The following CNTN4 variants were observed in gnomAD, a reference collection of about 807,000 sequenced individuals.
CNTN4 encodes contactin-4.
Under a neutral mutation model 122.5 loss-of-function variants are expected in CNTN4, and 77 were observed. The ratio of observed to expected loss-of-function variants is 0.63; its 90% confidence interval spans 0.52 to 0.76. The LOEUF (loss-of-function observed/expected upper bound fraction) is 0.76, where lower values mean the gene tolerates loss of function less well. Ranked by LOEUF, CNTN4 falls within the 30% of genes least tolerant of loss-of-function variation. The pLI is 0.00. For synonymous variants in CNTN4, 512 were observed against 447.0 expected (o/e 1.15, Z -1.83); for missense variants, 1,256 against 1,259.1 (o/e 1.00, Z 0.04).
At chr3:3,011,194 G>A (rs1488556440) in intron 14 of CNTN4, among the ~76,000 whole-genome samples, 1 of 152,146 alleles carries the variant, frequency 6.6e-6, no homozygotes, top group Non-Finnish European at 1.5e-5. Context: ...GTTCTTTAAA[G>A]CCAGATACTT....
chr3:2,744,596 T>G (rs2089654001), intron 5 of CNTN4, among the ~76,000 whole-genome samples: 1 of 152,224 alleles, frequency 6.6e-6, no homozygotes. Flanking sequence ...GTAAGAGTTG[T>G]GGGGGTAAAC....
At chr3:2,968,993 A>T (rs1692607130) in intron 13 of CNTN4, among the ~76,000 whole-genome samples, 1 of 152,222 alleles carries the variant, frequency 6.6e-6, no homozygotes, top group Non-Finnish European at 1.5e-5. Flanking sequence ...TTTACATTCC[A>T]TAAAATTCAC....
intron 24 of CNTN4, among the ~76,000 whole-genome samples, chr3:3,055,667 A>T (rs1160218584): frequency 6.6e-6 from 1 of 152,174 alleles, no homozygotes; most frequent in Non-Finnish European, 1.5e-5. Flanking sequence ...AAGTTACTTT[A>T]TTTCTCTGGG....
intron 8 of CNTN4, among the ~76,000 whole-genome samples, chr3:2,868,843 G>C (rs1215270427): frequency 6.6e-6 from 1 of 152,044 alleles, no homozygotes; most frequent in East Asian, 1.9e-4. Flanking sequence ...GCTCTGTGGT[G>C]GGTTTGGGGG....
intron 4 of CNTN4, among the ~76,000 whole-genome samples, chr3:2,721,575 A>G (rs2675282): frequency 1 from 151,933 of 152,288 alleles, 75,792 homozygotes; most frequent in Middle Eastern, 1. Flanking sequence ...CTGTGTGCAT[A>G]TGTGAGTGTG....
At chr3:2,720,197 A>G (rs1170905111) in intron 4 of CNTN4, among the ~76,000 whole-genome samples, 1 of 152,122 alleles carries the variant, frequency 6.6e-6, no homozygotes, top group African/African-American at 2.4e-5. Context: ...GATATTTCCT[A>G]TTTTTTGCTA....
rs1031300559 is a variant in CNTN4 at position 2,667,287 on chromosome 3, C to G, written c.56-68928C>G. Among the ~76,000 whole-genome samples the G allele has an allele frequency of 9.6e-4, 146 of 152,266 alleles. 2 individuals carry two copies. Among genetic ancestry groups the G allele is most frequent in the Admixed American group, 7.2e-4 (11 of 15,292 alleles). ...GACTTTTTAATGATTGCCATTCTAACTGGTGTGAGATGGTATCTCATTGTG... is the reference window on the plus strand; with the variant it reads ...GACTTTTTAATGATTGCCATTCTAAGTGGTGTGAGATGGTATCTCATTGTG... On this transcript the variant is annotated intron_variant, in intron 4 of 24. Transcript: ENST00000418658.
chr3:2,383,500 A>G (rs373384074), intron 3 of CNTN4, among the ~76,000 whole-genome samples: 23 of 152,100 alleles, frequency 1.5e-4, no homozygotes, highest in African/African-American at 5.3e-4. Context: ...GCCTGGAGGG[A>G]TTAGGTAAAT....
At position 2,841,350 on chromosome 3, in the gene CNTN4, T is replaced by C. The variant is rs2093358574; in HGVS notation, c.454+21769T>C. Among the ~76,000 whole-genome samples the C allele has an allele frequency of 6.6e-6, 1 of 152,210 alleles. No homozygotes were observed. The highest frequency in any genetic ancestry group is 1.5e-5 in the Non-Finnish European group (1 of 68,036). On this transcript the variant is annotated intron_variant, in intron 7 of 24. Transcript: ENST00000418658. This position sits in a 1 kb window ranked among gnomAD's most constrained non-coding sequence, Gnocchi z 4.8. ...CTCATACTGTGACATTATTATATCC[T>C]ACAATCACTCATATATCTTTATTTT...
chr3:3,038,382 T>C (rs1247126017), intron 18 of CNTN4, among the ~76,000 whole-genome samples: 1 of 152,026 alleles, frequency 6.6e-6, no homozygotes, highest in Non-Finnish European at 1.5e-5. Context: ...AACACTCAGA[T>C]CAAAACTCTT....
intron 3 of CNTN4, among the ~76,000 whole-genome samples, chr3:2,376,206 A>T (rs2045809870): frequency 6.6e-6 from 1 of 152,216 alleles, no homozygotes. Context: ...TCCATGTATC[A>T]GGCAGAAAAT....
intron 3 of CNTN4, among the ~76,000 whole-genome samples, chr3:2,403,059 A>G (rs182522487): frequency 6.6e-5 from 10 of 152,188 alleles, no homozygotes; most frequent in Admixed American, 2.6e-4. Context: ...AATCTGTCCC[A>G]TGCCTTTCTT....
chr3:2,333,559 C>A (rs1220561553), intron 2 of CNTN4, among the ~76,000 whole-genome samples: 1 of 152,172 alleles, frequency 6.6e-6, no homozygotes, highest in East Asian at 1.9e-4. Flanking sequence ...CTCTTAATAA[C>A]TCTAAAGCCT....
At chr3:2,264,492 G>A (rs1420270938) in intron 2 of CNTN4, among the ~76,000 whole-genome samples, 1 of 151,952 alleles carries the variant, frequency 6.6e-6, no homozygotes, top group Non-Finnish European at 1.5e-5. Flanking sequence ...AGTTGTTTGG[G>A]TTTCTCATGT....
intron 2 of CNTN4, among the ~76,000 whole-genome samples, chr3:2,172,575 G>T (rs1011228176): frequency 1.3e-5 from 2 of 152,134 alleles, no homozygotes; most frequent in Admixed American, 1.3e-4. Context: ...AAAGAAAACT[G>T]GTGGCAAGTA....
At chr3:2,814,450 G>C (rs762777011) in intron 6 of CNTN4, among the ~76,000 whole-genome samples, 3 of 152,056 alleles carry the variant, frequency 2.0e-5, no homozygotes, top group Admixed American at 6.5e-5. Flanking sequence ...TTTTCTCCTT[G>C]TTCAACTTCA....
intron 3 of CNTN4, among the ~76,000 whole-genome samples, chr3:2,502,664 G>A (rs752256657): frequency 1.6e-4 from 24 of 152,102 alleles, no homozygotes; most frequent in East Asian, 9.7e-4. Flanking sequence ...CAGCATTTTC[G>A]TGGCTGTAAA....
At chr3:2,298,733 A>G (rs926575749) in intron 2 of CNTN4, among the ~76,000 whole-genome samples, 1 of 152,230 alleles carries the variant, frequency 6.6e-6, no homozygotes, top group Admixed American at 6.5e-5. Context: ...TTATTCCTGA[A>G]GACTACAAGT....
In CNTN4 at chr3:2,752,272, A is replaced by G. The variant is rs539820506; in HGVS notation, c.358+6575A>G. ...TCAAATCAGAGTAATTAGCATACGC[A>G]TCACCTCATGCAACTAAACTATCAT... On this transcript the variant is annotated intron_variant, in intron 6 of 24. Transcript: ENST00000418658. Among the ~76,000 whole-genome samples, 19 of 152,382 alleles carry G rather than the reference A, an allele frequency of 1.2e-4. No individual in the cohort carries two copies. The East Asian group carries it at 2.7e-3, about 22-fold the overall frequency.
Sources: gnomAD v4.1 joint callset for allele counts (sites outside exome capture counted in the v4.1 genomes callset) on GRCh38, gnomAD v4.1.1 for gene constraint, Gnocchi (gnomAD v3.1) non-coding constraint, MANE v1.5 for transcripts, NCBI Gene and HGNC (gene_info 2026-07-23, HGNC 2026-07-21) for gene names.